RAPGEF6: variants seen among roughly 807,000 people sequenced by gnomAD.
RAPGEF6 encodes the protein Rap guanine nucleotide exchange factor 6.
A neutral mutation model predicts 171.4 loss-of-function variants in RAPGEF6; 56 were observed. The ratio of observed to expected loss-of-function variants is 0.33; its 90% CI spans 0.26 to 0.41. The LOEUF (loss-of-function observed/expected upper bound fraction) is 0.41. Among genes scored for constraint, RAPGEF6 ranks in the 10% least tolerant of loss-of-function variants. The pLI is 1.00. For missense variants in RAPGEF6, 1,674 were observed against 1,921.4 expected, an observed-to-expected ratio of 0.87 and a Z score of 2.41; for synonymous variants, 692 against 650.1, an observed-to-expected ratio of 1.06 and a Z score of -0.98.
chr5:131,433,349 C>A lies in RAPGEF6; in HGVS notation c.3974+81G>T, dbSNP rs533654017. 3.2e-6 allele frequency: 4 copies of A among 1,267,830 alleles called. No individual in the cohort carries two copies. The African/African-American group carries it at 5.9e-5, about 19-fold the overall frequency. The allele number at this position is 1,267,830 out of a possible 1,614,324, so 78.5% of individuals were successfully genotyped here. ...ACTCTGCAATTACCCCATGGGAGGT[C>A]CAAGGTCAAGGTGGGGAGCACTCCT... On this transcript the variant is annotated intron_variant, in intron 25 of 27. Transcript: ENST00000509018.
At position 131,431,242 on chromosome 5, in the gene RAPGEF6, C is replaced by T. The variant is rs1413012851; in HGVS notation, c.4082G>A (p.Gly1361Asp). The part of the protein sequence containing the change: ...EHIIIEAADS[G>D]RGSWTSCSSS... The stretch of plus-strand genomic sequence containing the variant: ...TGAACACGAAGTCCAACTTCCACGA[C>T]CACTGTCAGCTGCTTCTATAATGAT... Residue 1361 changes from glycine to aspartate, a missense_variant, in exon 26 of 28, where the codon GGT becomes GAT. By Grantham distance (94) the Gly-to-Asp change is moderately conservative. Around this residue, in one of 3 missense-constraint regions of RAPGEF6, gnomAD observed 552 missense variants for 574.2 expected, o/e 0.96. Transcript: ENST00000509018. 1 of 1,614,202 alleles carries T rather than the reference C, an allele frequency of 6.2e-7. No homozygotes were observed. Among genetic ancestry groups the T allele is most frequent in the East Asian group, 2.2e-5 (1 of 44,886 alleles).
chr5:131,577,689 G>A lies in RAPGEF6; in HGVS notation c.281+14694C>T, dbSNP rs575035418. Among the ~76,000 whole-genome samples, 47 of 152,156 alleles carry A rather than the reference G, an allele frequency of 3.1e-4. No individual in the cohort carries two copies. The South Asian group carries it at 9.3e-3, about 30-fold the overall frequency. On this transcript the variant is annotated intron_variant, in intron 4 of 27. Transcript: ENST00000509018. Reference sequence around the variant, plus strand: ...AGTCATCTACAGTACCCTAACTGCCGTCCGCCTGCAGGACCCTCCCCATTG... The same window carrying A: ...AGTCATCTACAGTACCCTAACTGCCATCCGCCTGCAGGACCCTCCCCATTG...
intron 6 of RAPGEF6, among the ~76,000 whole-genome samples, chr5:131,526,029 C>T (rs977490808): frequency 2.0e-5 from 3 of 152,214 alleles, no homozygotes; most frequent in African/African-American, 7.2e-5. Context: ...GGGAATCAAA[C>T]CCAGGTCTGA....
intron 17 of RAPGEF6, among the ~76,000 whole-genome samples, chr5:131,464,716 T>C (rs947009501): frequency 2.6e-5 from 4 of 152,208 alleles, no homozygotes; most frequent in African/African-American, 9.6e-5. Context: ...ATATGCCCCG[T>C]TACCCCCTGT....
intron 7 of RAPGEF6, among the ~76,000 whole-genome samples, chr5:131,512,533 T>C (rs1006638880): frequency 6.6e-6 from 1 of 152,194 alleles, no homozygotes; most frequent in Non-Finnish European, 1.5e-5. Flanking sequence ...CACCTACAAC[T>C]AGAAGAGTCT....
chr5:131,589,014 G>A (rs951839534), intron 4 of RAPGEF6, among the ~76,000 whole-genome samples: 13 of 151,980 alleles, frequency 8.6e-5, no homozygotes, highest in Non-Finnish European at 1.8e-4. Context: ...AGATTGCAGT[G>A]TACTGGGATC....
chr5:131,483,467 AAAAT>A (rs1755639263), intron 15 of RAPGEF6, among the ~76,000 whole-genome samples: 1 of 152,140 alleles, frequency 6.6e-6, no homozygotes, highest in Admixed American at 6.5e-5. Flanking sequence ...TAAATTAAAA[AAAAT>A]AGGGACAAAA....
chr5:131,453,704 C>T (rs553720899), intron 20 of RAPGEF6, among the ~76,000 whole-genome samples: 3 of 152,294 alleles, frequency 2.0e-5, no homozygotes, highest in South Asian at 4.1e-4. Flanking sequence ...ATTTATCCCC[C>T]GAGGTAGACC....
Position 131,508,101 on chromosome 5 carries a change from A to T in RAPGEF6, c.912T>A (p.Ala304=). ...GCCCATCTTCAAGAATAATAGCTCC[A>T]GCCTGCTCTACCACTTCAAAAATCA... ...SVMIFEVVEQ[A]GAIILEDGQE... Residue 304 remains alanine, a synonymous_variant, in exon 9 of 28, where the codon GCT becomes GCA. Coordinates refer to ENST00000509018, the MANE Select transcript of RAPGEF6 (RefSeq NM_016340.6). The T allele has an allele frequency of 6.2e-7, 1 of 1,611,910 alleles. No homozygotes were observed.
intron 3 of RAPGEF6, among the ~76,000 whole-genome samples, chr5:131,601,150 G>A (rs764293624): frequency 2.0e-5 from 3 of 151,478 alleles, no homozygotes; most frequent in Non-Finnish European, 2.9e-5. Context: ...TTGGGAGGCC[G>A]AGGCGGGTGG....
intron 4 of RAPGEF6, among the ~76,000 whole-genome samples, chr5:131,569,530 T>A (rs1262406799): frequency 1.3e-5 from 2 of 151,972 alleles, no homozygotes; most frequent in Admixed American, 6.6e-5. Flanking sequence ...TATGCAAAAA[T>A]ATATATATAC....
chr5:131,545,410 GA>G (rs141945176), intron 6 of RAPGEF6, among the ~76,000 whole-genome samples: 4 of 144,254 alleles, frequency 2.8e-5, no homozygotes, highest in South Asian at 2.2e-4. Flanking sequence ...ACACATTAAG[GA>G]AAAAAAAAAC....
chr5:131,537,886 A>G (rs6894033), intron 6 of RAPGEF6, among the ~76,000 whole-genome samples: 11,028 of 151,804 alleles, frequency 0.073, 802 homozygotes, highest in African/African-American at 0.19. Context: ...GGAGCCCACG[A>G]GTTCAAGACC....
At chr5:131,451,606 C>A (rs188908938) in intron 21 of RAPGEF6, among the ~76,000 whole-genome samples, 24 of 151,916 alleles carry the variant, frequency 1.6e-4, no homozygotes, top group Admixed American at 1.4e-3. Context: ...ACAAAGATCC[C>A]TAAACAACAA....
At chr5:131,440,370 C>T in intron 23 of RAPGEF6, 2 of 370,638 alleles carry the variant, frequency 5.4e-6, no homozygotes, top group South Asian at 2.0e-5. Context: ...CTTAGCAATG[C>T]TTTCAATATA....
intron 20 of RAPGEF6, 122 bp from the exon 21 acceptor site, chr5:131,453,299 G>A (rs760170084): frequency 4.2e-6 from 6 of 1,432,824 alleles, no homozygotes; most frequent in Non-Finnish European, 5.5e-6. Flanking sequence ...TGCCAATTTT[G>A]CTTTTAAGAA....
At chr5:131,622,118 T>C (rs2150034886) in intron 1 of RAPGEF6, among the ~76,000 whole-genome samples, 1 of 152,220 alleles carries the variant, frequency 6.6e-6, no homozygotes, top group Non-Finnish European at 1.5e-5. Context: ...CCTCAGAGAG[T>C]CATTTAATAA....
intron 6 of RAPGEF6, among the ~76,000 whole-genome samples, chr5:131,534,500 C>T (rs991913173): frequency 2.0e-5 from 3 of 151,874 alleles, no homozygotes; most frequent in African/African-American, 4.8e-5. Context: ...ACACAATACC[C>T]GCATTTAAAT....
chr5:131,505,318 C>T, intron 10 of RAPGEF6, 46 bp downstream of exon 10: 3 of 1,598,906 alleles, frequency 1.9e-6, no homozygotes, highest in Non-Finnish European at 2.6e-6. Context: ...GGCTCAGCTA[C>T]TTTAAACCAA....
Sources: gnomAD v4.1 joint callset for allele counts (sites outside exome capture counted in the v4.1 genomes callset) on GRCh38, gnomAD v4.1.1 for gene constraint, gnomAD v4.1.1 regional missense constraint, MANE v1.5 for transcripts, NCBI Gene and HGNC (gene_info 2026-07-23, HGNC 2026-07-21) for gene names.